The following SYT16 variants were observed in gnomAD, a reference collection of about 807,000 sequenced individuals.
SYT16 encodes the protein synaptotagmin 16, also known as synaptotagmin-16.
In SYT16, 42 loss-of-function variants were observed where a neutral mutation model predicts 61.4. The observed-to-expected ratio is 0.68, with a 90% CI of 0.53 to 0.89. The LOEUF (loss-of-function observed/expected upper bound fraction) is 0.89, where lower values mean the gene tolerates loss of function less well. SYT16 is among the 40% of genes least tolerant of loss of function. The probability of loss-of-function intolerance (pLI) is 0.00; values close to 1 mark genes in which losing one functional copy is unlikely to be tolerated. For missense variants in SYT16, 804 were observed against 807.3 expected, an observed-to-expected ratio of 1.00 and a Z score of 0.05; for synonymous variants, 314 against 302.3, an observed-to-expected ratio of 1.04 and a Z score of -0.40.
intron 1 of SYT16, among the ~76,000 whole-genome samples, chr14:61,915,040 CT>C (rs1336958172): frequency 6.6e-6 from 1 of 152,148 alleles, no homozygotes; most frequent in African/African-American, 2.4e-5. Context: ...ACAATTGCCC[CT>C]ATCACTCTCC....
intron 3 of SYT16, among the ~76,000 whole-genome samples, chr14:62,046,579 G>T (rs528993108): frequency 2.6e-4 from 39 of 152,172 alleles, no homozygotes; most frequent in Non-Finnish European, 4.4e-4. Flanking sequence ...GGGTTTTTAT[G>T]GTTTTAGGTC....
intron 2 of SYT16, among the ~76,000 whole-genome samples, 166 bp downstream of exon 2, chr14:61,970,477 C>T (rs1372924050): frequency 6.6e-6 from 1 of 152,184 alleles, no homozygotes; most frequent in African/African-American, 2.4e-5. Flanking sequence ...TACCACTTCC[C>T]ATCTTCTTAG....
intron 7 of SYT16, among the ~76,000 whole-genome samples, chr14:62,088,902 G>A (rs181214715): frequency 6.6e-6 from 1 of 151,494 alleles, no homozygotes; most frequent in Admixed American, 6.6e-5. Flanking sequence ...GGTCAAGTTG[G>A]TAAAAATAAA....
intron 1 of SYT16, among the ~76,000 whole-genome samples, chr14:61,884,418 T>C (rs1441715446): frequency 6.6e-6 from 1 of 152,200 alleles, no homozygotes; most frequent in Non-Finnish European, 1.5e-5. Flanking sequence ...GATCTTCAAC[T>C]AATTAAGGAA....
At chr14:61,903,753 G>T (rs217652) in intron 1 of SYT16, among the ~76,000 whole-genome samples, 19,370 of 152,174 alleles carry the variant, frequency 0.13, 1,961 homozygotes, top group African/African-American at 0.28. Context: ...ATTGGTCTTT[G>T]TCCTGGCCAG....
chr14:62,000,099 A>ATTTTTTTTTTTTGTTTTTTTTTTTT (rs2052939180), intron 3 of SYT16, among the ~76,000 whole-genome samples: 1 of 18,950 alleles, frequency 5.3e-5, no homozygotes, highest in African/African-American at 2.9e-4. Flanking sequence ...TTGTCTCTCG[A>ATTTTTTTTTTTTGTTTTTTTTTTTT]TTTTTTTTTT....
At chr14:61,962,297 T>C (rs2051147741) in intron 1 of SYT16, among the ~76,000 whole-genome samples, 1 of 152,040 alleles carries the variant, frequency 6.6e-6, no homozygotes, top group Admixed American at 6.6e-5. Flanking sequence ...GCCAGGTAAA[T>C]ATTTTTGTTT....
chr14:61,820,849 A>C (rs374851878), intron 1 of SYT16, among the ~76,000 whole-genome samples: 1 of 152,180 alleles, frequency 6.6e-6, no homozygotes, highest in Non-Finnish European at 1.5e-5. Flanking sequence ...AAAAAGCTTA[A>C]TATGCTAGTA....
intron 1 of SYT16, among the ~76,000 whole-genome samples, chr14:61,929,159 A>G (rs954505275): frequency 6.6e-6 from 1 of 152,212 alleles, no homozygotes; most frequent in African/African-American, 2.4e-5. Context: ...TGATGTAGTC[A>G]GTTCATCTAG....
chr14:62,094,114 C>A (rs963866838), intron 7 of SYT16, among the ~76,000 whole-genome samples: 6 of 152,064 alleles, frequency 3.9e-5, no homozygotes, highest in Non-Finnish European at 7.4e-5. Context: ...TTCTCATATT[C>A]CATTTTTCAG....
intron 3 of SYT16, among the ~76,000 whole-genome samples, chr14:62,066,045 G>A (rs941574479): frequency 6.6e-6 from 1 of 152,222 alleles, no homozygotes; most frequent in African/African-American, 2.4e-5. Flanking sequence ...CTCCATAAAA[G>A]AGAAGATCAG....
intron 7 of SYT16, among the ~76,000 whole-genome samples, chr14:62,091,270 G>GA (rs974527103): frequency 6.6e-5 from 10 of 152,032 alleles, no homozygotes; most frequent in Non-Finnish European, 1.3e-4. Flanking sequence ...CTGAGTGAAG[G>GA]AAAAATAAAG....
chr14:61,993,455 C>A (rs554666184), intron 2 of SYT16, among the ~76,000 whole-genome samples: 68 of 152,080 alleles, frequency 4.5e-4, no homozygotes, highest in Middle Eastern at 3.4e-3. Flanking sequence ...ACAACAACAA[C>A]AAAAAACTCA....
intron 1 of SYT16, among the ~76,000 whole-genome samples, chr14:61,929,109 G>A (rs1422280776): frequency 1.3e-5 from 2 of 152,222 alleles, no homozygotes; most frequent in Non-Finnish European, 2.9e-5. Flanking sequence ...CAAAGGAAGA[G>A]TGATCCGGGG....
At chr14:62,051,026 A>G (rs2055260243) in intron 3 of SYT16, among the ~76,000 whole-genome samples, 1 of 152,210 alleles carries the variant, frequency 6.6e-6, no homozygotes, top group Non-Finnish European at 1.5e-5. Context: ...ACGTCTGTAG[A>G]GGTTACTGCT....
chr14:61,865,414 G>A (rs1380394339), intron 1 of SYT16, among the ~76,000 whole-genome samples: 2 of 152,198 alleles, frequency 1.3e-5, no homozygotes, highest in Non-Finnish European at 2.9e-5. Context: ...ACTGGGAAAT[G>A]AATCACAGAA....
intron 1 of SYT16, among the ~76,000 whole-genome samples, chr14:61,836,356 A>T (rs972646789): frequency 6.6e-6 from 1 of 152,196 alleles, no homozygotes; most frequent in African/African-American, 2.4e-5. Context: ...AAAGGAATCC[A>T]TTTGCCTTAA....
intron 2 of SYT16, among the ~76,000 whole-genome samples, chr14:61,994,568 C>G (rs958559720): frequency 2.0e-5 from 3 of 152,136 alleles, no homozygotes; most frequent in African/African-American, 7.2e-5. Flanking sequence ...TGGGCCTACT[C>G]TTGCAGCTGG....
chr14:62,043,225 G>C (rs186118891), intron 3 of SYT16, among the ~76,000 whole-genome samples: 3 of 151,620 alleles, frequency 2.0e-5, no homozygotes, highest in Admixed American at 1.3e-4. Flanking sequence ...TACCCCCTCA[G>C]AAGGAAGTGA....
Sources: allele counts gnomAD v4.1 joint callset (sites outside exome capture counted in the v4.1 genomes callset), GRCh38; gene constraint gnomAD v4.1.1; transcripts MANE v1.5; gene names NCBI Gene and HGNC (gene_info 2026-07-23, HGNC 2026-07-21).